The following SPTBN1 variants were observed in gnomAD, a reference collection of about 807,000 sequenced individuals.
The protein encoded by SPTBN1 is spectrin beta, non-erythrocytic 1, also known as spectrin beta chain, non-erythrocytic 1.
In SPTBN1, 32 loss-of-function variants were observed where a neutral mutation model predicts 266.4. That is an observed-to-expected ratio of 0.12 (90% CI 0.09 to 0.16). The LOEUF (loss-of-function observed/expected upper bound fraction) is 0.16, where lower values mean the gene tolerates loss of function less well. SPTBN1 is among the 10% of genes least tolerant of loss of function. The pLI is 1.00. For synonymous variants in SPTBN1, 1,336 were observed against 1,162.2 expected, an observed-to-expected ratio of 1.15 and a Z score of -3.04; for missense variants, 2,296 against 3,067.1, an observed-to-expected ratio of 0.75 and a Z score of 5.94.
intron 7 of SPTBN1, among the ~76,000 whole-genome samples, chr2:54,618,561 G>A (rs10176359): frequency 0.22 from 34,075 of 152,168 alleles, 4,638 homozygotes; most frequent in African/African-American, 0.38. Flanking sequence ...CCCCATAGGG[G>A]CAACAGGCAA....
chr2:54,649,085 G>T lies in SPTBN1; in HGVS notation c.5097G>T (p.Arg1699Ser). 1.2e-6 allele frequency: 2 copies of T among 1,614,218 alleles called. No homozygotes were observed. The highest frequency in any genetic ancestry group is 1.7e-6 in the Non-Finnish European group (2 of 1,180,032). Residue 1699 changes from arginine to serine, a missense_variant, in exon 25 of 36, where the codon AGG becomes AGT. By Grantham distance (110) the Arg-to-Ser change is moderately radical. Coordinates refer to ENST00000356805, the MANE Select transcript of SPTBN1 (RefSeq NM_003128.3). This position sits in a 1 kb window ranked among gnomAD's most constrained non-coding sequence, Gnocchi z 6.7. Reference sequence around the variant, plus strand: ...GAGGCAAGCTGGATGAGAGACACAGGTTATTCCAGCTCAACCGGGAGGTGG... The same window carrying T: ...GAGGCAAGCTGGATGAGAGACACAGTTTATTCCAGCTCAACCGGGAGGTGG... ...ERRGKLDERH[R>S]LFQLNREVDD...
At chr2:54,616,145 T>A in intron 4 of SPTBN1, 62 bp from the exon 5 acceptor site, 3 of 1,425,204 alleles carry the variant, frequency 2.1e-6, no homozygotes, top group Non-Finnish European at 2.0e-6. Flanking sequence ...AGACCTGTTC[T>A]TCAGTGGTTC....
intron 3 of SPTBN1, among the ~76,000 whole-genome samples, chr2:54,610,107 G>A (rs559843073): frequency 8.2e-6 from 1 of 121,708 alleles, no homozygotes; most frequent in East Asian, 2.2e-4. Flanking sequence ...ATGGTGCCTG[G>A]GAACTCATCT....
chr2:54,581,577 C>CTTTT lies in SPTBN1; in HGVS notation c.149-17495_149-17492dup, dbSNP rs70944181. ...GCCTTCATGCTTTGGTTTCTTTGCCCTTTTTTTTTTTTTTTTTTTTTTTGA... is the reference window on the plus strand; with the variant it reads ...GCCTTCATGCTTTGGTTTCTTTGCCCTTTTTTTTTTTTTTTTTTTTTTTTTTTGA... On this transcript the variant is annotated intron_variant, in intron 2 of 35. Coordinates refer to ENST00000356805, the MANE Select transcript of SPTBN1 (RefSeq NM_003128.3). Among the ~76,000 whole-genome samples, 258 of 102,616 alleles carry CTTTT rather than the reference C, an allele frequency of 2.5e-3. 8 individuals carry two copies. Among genetic ancestry groups the CTTTT allele is most frequent in the African/African-American group, 9.2e-3 (225 of 24,380 alleles). The allele number at this position is 102,616 out of a possible 152,430, so 67.3% of individuals were successfully genotyped here. A position where few individuals can be genotyped will look rare whatever the true frequency, so the allele number is the denominator to read the frequency against.
chr2:54,669,884 T>G lies in SPTBN1; in HGVS notation c.*1315T>G, dbSNP rs1250938705. On this transcript the variant is annotated 3_prime_UTR_variant, in exon 36 of 36. Coordinates refer to ENST00000356805, the MANE Select transcript of SPTBN1 (RefSeq NM_003128.3). The stretch of plus-strand genomic sequence containing the variant: ...TGTAGTTATACATTCAGGCTTTATC[T>G]TTTATTTATGAAAAAGTTACCAGAG... 1.3e-5 allele frequency: 2 copies of G among 152,234 alleles called. No individual in the cohort carries two copies. Among genetic ancestry groups the G allele is most frequent in the African/African-American group, 4.8e-5 (2 of 41,466 alleles). 9.4% of individuals were successfully genotyped at this position (152,234 alleles called of 1,614,324 possible).
At position 54,506,399 on chromosome 2, in the gene SPTBN1, C is replaced by T. The variant is rs187431272; in HGVS notation, c.-47-19973C>T. ...GTCAGTGAGAGAACTTAAAAATTCT[C>T]ATGTAAATATAATTTAAAAAATATA... On this transcript the variant is annotated intron_variant, in intron 1 of 35. Coordinates refer to ENST00000356805, the MANE Select transcript of SPTBN1 (RefSeq NM_003128.3). Among the ~76,000 whole-genome samples, 291 of 150,824 alleles carry T rather than the reference C, an allele frequency of 1.9e-3. 3 individuals are homozygous for T. The highest frequency in any genetic ancestry group is 6.7e-3 in the African/African-American group (276 of 41,182).
intron 2 of SPTBN1, among the ~76,000 whole-genome samples, chr2:54,552,984 G>A (rs1369383293): frequency 2.0e-5 from 3 of 152,254 alleles, no homozygotes; most frequent in African/African-American, 7.2e-5. Flanking sequence ...GTTCTAAAGA[G>A]GTGGCAGGCA....
intron 3 of SPTBN1, among the ~76,000 whole-genome samples, chr2:54,604,009 A>G (rs374807435): frequency 1.3e-5 from 2 of 152,160 alleles, no homozygotes; most frequent in African/African-American, 4.8e-5. Flanking sequence ...AAGTGACTTC[A>G]GTGACCACCA....
At chr2:54,590,353 C>G (rs1255766643) in intron 2 of SPTBN1, among the ~76,000 whole-genome samples, 2 of 152,208 alleles carry the variant, frequency 1.3e-5, no homozygotes, top group Non-Finnish European at 2.9e-5. Context: ...GTGAGACCAC[C>G]ACCAACAATA....
intron 17 of SPTBN1, among the ~76,000 whole-genome samples, chr2:54,636,018 G>A (rs777480391): frequency 6.6e-6 from 1 of 151,998 alleles, no homozygotes; most frequent in South Asian, 2.1e-4. Context: ...ATTATTTTTT[G>A]TTGTTGTAAA....
At chr2:54,526,678 C>A in intron 2 of SPTBN1, 112 bp downstream of exon 2, 1 of 1,315,558 alleles carries the variant, frequency 7.6e-7, no homozygotes, top group South Asian at 1.6e-5. Context: ...TGTCTCACTT[C>A]TATTTAAATG....
At chr2:54,666,146 G>C in intron 34 of SPTBN1, 58 bp downstream of exon 34, 5 of 1,533,682 alleles carry the variant, frequency 3.3e-6, no homozygotes, top group Non-Finnish European at 4.4e-6. Context: ...TTCCACTCTG[G>C]GGTTTGGTTT....
intron 1 of SPTBN1, among the ~76,000 whole-genome samples, chr2:54,512,398 G>A (rs1669905735): frequency 6.6e-6 from 1 of 152,200 alleles, no homozygotes; most frequent in African/African-American, 2.4e-5. Context: ...TGTTGCTGCA[G>A]TGTTAATGCA....
chr2:54,543,662 T>C (rs539997671), intron 2 of SPTBN1, among the ~76,000 whole-genome samples: 1 of 152,250 alleles, frequency 6.6e-6, no homozygotes, highest in Non-Finnish European at 1.5e-5. Context: ...CTTTCCTGTT[T>C]CGGATTTGCA....
intron 2 of SPTBN1, among the ~76,000 whole-genome samples, chr2:54,594,385 A>G (rs1204107432): frequency 2.6e-5 from 4 of 152,262 alleles, no homozygotes; most frequent in African/African-American, 9.6e-5. Flanking sequence ...GCAGCTGTTT[A>G]CACAATATTT....
chr2:54,572,376 A>G (rs951248352), intron 2 of SPTBN1, among the ~76,000 whole-genome samples: 1 of 152,254 alleles, frequency 6.6e-6, no homozygotes, highest in East Asian at 1.9e-4. Flanking sequence ...CAGCTTATTC[A>G]GATTTTTATG....
intron 1 of SPTBN1, among the ~76,000 whole-genome samples, chr2:54,517,136 A>T (rs1670154588): frequency 1.5e-5 from 2 of 136,230 alleles, no homozygotes; most frequent in South Asian, 4.6e-4. Flanking sequence ...AGGGGGATGG[A>T]TAGTGAGGCA....
chr2:54,474,943 CG>C (rs1214508079), intron 1 of SPTBN1, among the ~76,000 whole-genome samples: 3 of 152,038 alleles, frequency 2.0e-5, no homozygotes, highest in African/African-American at 7.2e-5. Context: ...GAGGCTGAGG[CG>C]GGTAGATTGC....
At chr2:54,655,368 T>C (rs1680581773) in intron 28 of SPTBN1, among the ~76,000 whole-genome samples, 160 bp downstream of exon 28, 1 of 152,376 alleles carries the variant, frequency 6.6e-6, no homozygotes, top group South Asian at 2.1e-4. Context: ...AATGCAATTA[T>C]GCAAGACTCT....
Sources: gnomAD v4.1 joint callset for allele counts (sites outside exome capture counted in the v4.1 genomes callset) on GRCh38, gnomAD v4.1.1 for gene constraint, Gnocchi (gnomAD v3.1) non-coding constraint, MANE v1.5 for transcripts, NCBI Gene and HGNC (gene_info 2026-07-23, HGNC 2026-07-21) for gene names.